The following DIAPH2 variants were observed in gnomAD, a reference collection of about 807,000 sequenced individuals.
DIAPH2 encodes protein diaphanous homolog 2.
Under a neutral mutation model 92.7 loss-of-function variants are expected in DIAPH2, and 35 were observed. That is an observed-to-expected ratio of 0.38 (90% confidence interval 0.29 to 0.50). The LOEUF (loss-of-function observed/expected upper bound fraction) is 0.50. DIAPH2 is among the 20% of genes least tolerant of loss of function. DIAPH2 has a pLI of 0.94. For missense variants in DIAPH2, 701 were observed against 819.5 expected (o/e 0.86, Z 1.77); for synonymous variants, 301 against 280.4 (o/e 1.07, Z -0.73).
chrX:97,194,734 TTAAA>T (rs1164693484), intron 22 of DIAPH2, among the ~76,000 whole-genome samples: 4 of 111,998 alleles, frequency 3.6e-5, no homozygotes, highest in African/African-American at 6.5e-5. Flanking sequence ...TCATAAACAA[TTAAA>T]TGTGATTAAA....
chrX:97,440,974 A>C (rs953142169), intron 26 of DIAPH2, among the ~76,000 whole-genome samples: 2 of 111,670 alleles, frequency 1.8e-5, no homozygotes, highest in African/African-American at 3.3e-5. Context: ...GTACCCCTTA[A>C]ATTTATACAA....
At chrX:97,001,602 C>T (rs2066144688) in intron 17 of DIAPH2, among the ~76,000 whole-genome samples, 2 of 111,303 alleles carry the variant, frequency 1.8e-5, no homozygotes, top group African/African-American at 3.3e-5. Context: ...GCCTAGATCA[C>T]GCCACTGCAC....
intron 1 of DIAPH2, among the ~76,000 whole-genome samples, chrX:96,694,748 C>T (rs928492174): frequency 8.9e-6 from 1 of 111,768 alleles, no homozygotes; most frequent in African/African-American, 3.3e-5. Context: ...TTGGCAGAAG[C>T]ATTTCCTCTG....
intron 22 of DIAPH2, among the ~76,000 whole-genome samples, chrX:97,230,668 C>T (rs778996090): frequency 3.6e-5 from 4 of 112,116 alleles, no homozygotes; most frequent in Non-Finnish European, 7.5e-5. Flanking sequence ...GATTCTCAGC[C>T]TCCCAAGTAG....
chrX:97,353,487 G>C lies in DIAPH2; in HGVS notation c.3009+5207G>C, dbSNP rs767295562. 3.6e-5 allele frequency among the ~76,000 whole-genome samples: 4 copies of C among 110,738 alleles called. No homozygotes were observed. The East Asian group carries it at 1.1e-3, about 31-fold the overall frequency. On this transcript the variant is annotated intron_variant, in intron 24 of 26. Transcript: ENST00000324765. ...TTTCCTGCTGCTTCTGTGTGTTTTT[G>C]TTTTGCTTTTTTAAAGAACAATATG...
At chrX:97,251,915 A>G (rs1259392608) in intron 23 of DIAPH2, among the ~76,000 whole-genome samples, 2 of 111,559 alleles carry the variant, frequency 1.8e-5, no homozygotes, top group Non-Finnish European at 3.8e-5. Flanking sequence ...CTTCAGCTCA[A>G]AGTATTCAGC....
intron 21 of DIAPH2, among the ~76,000 whole-genome samples, chrX:97,117,418 T>G (rs2067024193): frequency 8.9e-6 from 1 of 111,990 alleles, no homozygotes; most frequent in African/African-American, 3.2e-5. Context: ...ATTACTTCAT[T>G]GATTTTTCTT....
chrX:97,426,142 T>C (rs2070061376), intron 25 of DIAPH2, among the ~76,000 whole-genome samples: 1 of 111,228 alleles, frequency 9.0e-6, no homozygotes, highest in Non-Finnish European at 1.9e-5. Flanking sequence ...CTCTCCTTAA[T>C]CTCACCCTCC....
intron 26 of DIAPH2, among the ~76,000 whole-genome samples, chrX:97,528,134 G>C (rs1480434705): frequency 8.9e-6 from 1 of 112,331 alleles, no homozygotes; most frequent in Non-Finnish European, 1.9e-5. Context: ...TTCTTGCTTA[G>C]TTCTTAGGCC....
At chrX:97,469,687 T>G in intron 26 of DIAPH2, 1 of 1,204,220 alleles carries the variant, frequency 8.3e-7, no homozygotes, top group Non-Finnish European at 1.1e-6. Context: ...TTTCTTCTTT[T>G]CTGCAGTGGT....
chrX:96,795,244 G>A (rs976558776), intron 4 of DIAPH2, among the ~76,000 whole-genome samples: 1 of 110,739 alleles, frequency 9.0e-6, no homozygotes, highest in Non-Finnish European at 1.9e-5. Flanking sequence ...TTCCTTGTAG[G>A]TCACAGGTTA....
intron 1 of DIAPH2, among the ~76,000 whole-genome samples, chrX:96,698,586 C>T (rs2063837610): frequency 9.0e-6 from 1 of 110,865 alleles, no homozygotes; most frequent in South Asian, 3.8e-4. Context: ...GTTCTAGTCC[C>T]CTTAGTTTGA....
chrX:97,363,042 T>C (rs2069340516), intron 24 of DIAPH2, among the ~76,000 whole-genome samples: 1 of 112,514 alleles, frequency 8.9e-6, no homozygotes, highest in African/African-American at 3.2e-5. Context: ...TTATGTGATG[T>C]AGAAGAAATA....
chrX:96,888,685 G>A (rs2065286852), intron 5 of DIAPH2, among the ~76,000 whole-genome samples: 1 of 101,836 alleles, frequency 9.8e-6, no homozygotes, highest in Admixed American at 1.1e-4. Flanking sequence ...ATATATCTGT[G>A]TATATATTAG....
intron 5 of DIAPH2, among the ~76,000 whole-genome samples, chrX:96,899,080 A>G (rs1321219704): frequency 1.8e-5 from 2 of 110,406 alleles, no homozygotes; most frequent in Non-Finnish European, 3.8e-5. Context: ...TGTTCCGTTG[A>G]TCTATATCTC....
chrX:97,557,544 A>G (rs1406662804), intron 26 of DIAPH2, among the ~76,000 whole-genome samples: 2 of 112,025 alleles, frequency 1.8e-5, no homozygotes, highest in African/African-American at 3.2e-5. Flanking sequence ...TTGGGGCTTT[A>G]TAACATAGAA....
intron 23 of DIAPH2, among the ~76,000 whole-genome samples, chrX:97,283,907 A>G (rs2068519279): frequency 8.9e-6 from 1 of 112,416 alleles, no homozygotes; most frequent in Non-Finnish European, 1.9e-5. Flanking sequence ...GCACCATTGC[A>G]CTCCAGCCTG....
chrX:96,960,466 A>G (rs1234215115), intron 16 of DIAPH2, among the ~76,000 whole-genome samples: 2 of 110,974 alleles, frequency 1.8e-5, no homozygotes, highest in Non-Finnish European at 3.8e-5. Flanking sequence ...GTATCCTCCA[A>G]CTTACTGAAT....
At chrX:97,277,206 C>T (rs1025644918) in intron 23 of DIAPH2, among the ~76,000 whole-genome samples, 3 of 111,106 alleles carry the variant, frequency 2.7e-5, no homozygotes, top group Non-Finnish European at 5.7e-5. Context: ...GGCATGGTGG[C>T]GTGGACCTCT....
Sources: gnomAD v4.1 joint callset for allele counts (sites outside exome capture counted in the v4.1 genomes callset) on GRCh38, gnomAD v4.1.1 for gene constraint, MANE v1.5 for transcripts, NCBI Gene and HGNC (gene_info 2026-07-23, HGNC 2026-07-21) for gene names.